Variants in AMOTL2 observed in about 807,000 individuals in gnomAD.
The protein encoded by AMOTL2 is angiomotin-like protein 2.
In AMOTL2, 33 loss-of-function variants were observed where a neutral mutation model predicts 78.4. The ratio of observed to expected loss-of-function variants is 0.42; its 90% CI spans 0.32 to 0.56. The LOEUF (loss-of-function observed/expected upper bound fraction) is 0.56. Among genes scored for constraint, AMOTL2 ranks in the 20% least tolerant of loss-of-function variants. The pLI is 0.12. For missense variants in AMOTL2, 983 were observed against 1,030.1 expected, an observed-to-expected ratio of 0.95 and a Z score of 0.63; for synonymous variants, 422 against 428.8, an observed-to-expected ratio of 0.98 and a Z score of 0.20.
rs755522162 is a variant in AMOTL2 at position 134,361,752 on chromosome 3, G to A, written c.1335C>T (p.Arg445=). 1.6e-5 allele frequency: 26 copies of A among 1,587,830 alleles called. No homozygotes were observed. The highest frequency in any genetic ancestry group is 2.3e-5 in the East Asian group (1 of 43,350). ...EKLEREMALL[R]GAIEDQRRRA... is the part of the protein sequence containing the mutation. ...GCCGCCGCTGGTCCTCGATGGCGCC[G>A]CGCAGCAGTGCCATCTCTCGCTCCA... Residue 445 remains arginine (R), a synonymous_variant, in exon 6 of 10, where the codon CGC becomes CGT. Coordinates refer to ENST00000249883, the MANE Select transcript of AMOTL2 (RefSeq NM_016201.4).
intron 2 of AMOTL2, among the ~76,000 whole-genome samples, 184 bp downstream of exon 2, chr3:134,370,516 A>G (rs1257579077): frequency 6.6e-6 from 1 of 152,162 alleles, no homozygotes; most frequent in Non-Finnish European, 1.5e-5. Context: ...GGACACCACT[A>G]ACTTCTTAGG....
At chr3:134,373,759 A>C in intron 1 of AMOTL2, 1 of 985,470 alleles carries the variant, frequency 1.0e-6, no homozygotes, top group Non-Finnish European at 1.2e-6. Context: ...GAGGTCTTTA[A>C]GCATCGCGGG....
At position 134,356,520 on chromosome 3, in the gene AMOTL2, G is replaced by A. The variant is rs2017088062; in HGVS notation, c.*1185C>T. On this transcript the variant is annotated 3_prime_UTR_variant, in exon 10 of 10. Coordinates refer to ENST00000249883, the MANE Select transcript of AMOTL2 (RefSeq NM_016201.4). ...GCGCTGGGCATGGGTAGCTTGAGGA[G>A]CCAGCCTCCTGGGCACTGTTTTGTG... 6.6e-6 allele frequency: 1 copy of A among 152,646 alleles called. No individual in the cohort carries two copies. Among genetic ancestry groups the A allele is most frequent in the African/African-American group, 2.4e-5 (1 of 41,462 alleles). 9.5% of individuals were successfully genotyped at this position (152,646 alleles called of 1,614,324 possible). A position where few individuals can be genotyped will look rare whatever the true frequency, so the allele number is the denominator to read the frequency against.
chr3:134,357,441 G>A lies in AMOTL2; in HGVS notation c.*264C>T. 2.1e-6 allele frequency: 1 copy of A among 477,930 alleles called. No homozygotes were observed. Among genetic ancestry groups the A allele is most frequent in the South Asian group, 2.9e-5 (1 of 34,410 alleles). The allele number at this position is 477,930 out of a possible 1,614,324, so 29.6% of individuals were successfully genotyped here. A position where few individuals can be genotyped will look rare whatever the true frequency, so the allele number is the denominator to read the frequency against. On this transcript the variant is annotated 3_prime_UTR_variant, in exon 10 of 10. Transcript: ENST00000249883. Reference sequence around the variant, plus strand: ...CCCAGTAGCAGGCCTTGGGCAAGAAGTCAAGGCTGAATCCTCATTCTCCAT... The same window carrying A: ...CCCAGTAGCAGGCCTTGGGCAAGAAATCAAGGCTGAATCCTCATTCTCCAT...
At position 134,371,050 on chromosome 3, in the gene AMOTL2, C is replaced by G. The variant is rs750467486; in HGVS notation, c.384G>C (p.Ala128=). The change falls in exon 2 of 10, where the codon GCG becomes GCC. Residue 128 remains alanine (A), a synonymous_variant. Coordinates refer to ENST00000249883, the MANE Select transcript of AMOTL2 (RefSeq NM_016201.4). ...AAQQAGTRPH[A]GDRDPRGAPG... ...GGGCCCCACGGGGATCTCGGTCCCC[C>G]GCATGTGGCCGGGTCCCTGCCTGCT... 41 of 1,608,454 alleles carry G rather than the reference C, an allele frequency of 2.5e-5. No individual in the cohort carries two copies. Among genetic ancestry groups the G allele is most frequent in the Admixed American group, 3.4e-5 (2 of 59,242 alleles).
intron 2 of AMOTL2, among the ~76,000 whole-genome samples, chr3:134,368,257 C>G (rs2017696659): frequency 6.6e-6 from 1 of 152,150 alleles, no homozygotes; most frequent in Admixed American, 6.5e-5. Flanking sequence ...CTTCCAGGCC[C>G]CAGGACAACT....
rs2017235312 is a variant in AMOTL2 at position 134,359,378 on chromosome 3, G to A, written c.2009C>T (p.Ser670Phe). Reference protein sequence around the residue: ...GSLRPAKSVPSVFAAAAAGTQ... With the variant: ...GSLRPAKSVPFVFAAAAAGTQ... ...TCCTGCTGCCGCAGCCGCGAAAACAGATGGCACCGACTTGGCAGGCCGCAG... is the reference window on the plus strand; with the variant it reads ...TCCTGCTGCCGCAGCCGCGAAAACAAATGGCACCGACTTGGCAGGCCGCAG... Residue 670 changes from serine (S) to phenylalanine (F), a missense_variant, in exon 8 of 10, where the codon TCT (serine) becomes TTT (phenylalanine). By Grantham distance (155) the Ser-to-Phe change is radical. Transcript: ENST00000249883. 1 of 1,614,240 alleles carries A rather than the reference G, an allele frequency of 6.2e-7. No individual in the cohort carries two copies. Among genetic ancestry groups the A allele is most frequent in the East Asian group, 2.2e-5 (1 of 44,880 alleles).
chr3:134,367,980 GA>G (rs2017686780), intron 2 of AMOTL2, 177 bp from the exon 3 acceptor site: 1 of 553,868 alleles, frequency 1.8e-6, no homozygotes. Context: ...GTTAGGCAGG[GA>G]CCAGTAGGGA....
In AMOTL2 at chr3:134,361,803, G is replaced by A. The variant is rs776550580; in HGVS notation, c.1284C>T (p.Tyr428=). The change falls in exon 6 of 10, where the codon TAC becomes TAT. Residue 428 remains tyrosine, a synonymous_variant. Coordinates refer to ENST00000249883, the MANE Select transcript of AMOTL2 (RefSeq NM_016201.4). The part of the protein sequence containing the change: ...DMVAKLLAQS[Y]EQQQEQEKLE... ...GCTTCTCTTGCTCCTGCTGCTGTTC[G>A]TAGCCTGTAGGGAGAAAGAGGCTTG... The A allele has an allele frequency of 2.8e-5, 44 of 1,547,716 alleles. No individual in the cohort carries two copies. The highest frequency in any genetic ancestry group is 1.7e-4 in the Middle Eastern group (1 of 5,976).
upstream of AMOTL2, chr3:134,375,228 TC>T: frequency 6.5e-7 from 1 of 1,535,708 alleles, no homozygotes; most frequent in East Asian, 2.4e-5. Flanking sequence ...GTCCAGTTCT[TC>T]CCCAAGGTGA....
chr3:134,358,194 AT>A (rs139446238), intron 9 of AMOTL2, among the ~76,000 whole-genome samples: 2,229 of 152,368 alleles, frequency 0.015, 27 homozygotes, highest in Non-Finnish European at 0.021. Context: ...TGCCATCGGC[AT>A]GACTTGCGAG....
At chr3:134,365,991 G>A in intron 4 of AMOTL2, 82 bp from the exon 5 acceptor site, 2 of 1,393,464 alleles carry the variant, frequency 1.4e-6, no homozygotes, top group Non-Finnish European at 2.0e-6. Flanking sequence ...ATCAGGATGG[G>A]GCTGTATCCT....
At chr3:134,373,813 C>G (rs2017978572) in intron 1 of AMOTL2, 1 of 985,514 alleles carries the variant, frequency 1.0e-6, no homozygotes, top group Non-Finnish European at 1.2e-6. Context: ...TCCAAATACT[C>G]TAACGCTGAC....
chr3:134,369,017 T>C (rs1297762651), intron 2 of AMOTL2, among the ~76,000 whole-genome samples: 1 of 152,148 alleles, frequency 6.6e-6, no homozygotes, highest in East Asian at 1.9e-4. Context: ...TCAGCACTAA[T>C]GCACACCCAG....
At chr3:134,363,823 G>T (rs1267494200) in intron 5 of AMOTL2, among the ~76,000 whole-genome samples, 3 of 152,166 alleles carry the variant, frequency 2.0e-5, no homozygotes, top group Admixed American at 6.5e-5. Context: ...CTCAGCCCTG[G>T]GGGAGGAAGG....
intron 1 of AMOTL2, chr3:134,371,795 A>G (rs1045708131): frequency 2.8e-6 from 1 of 352,746 alleles, no homozygotes; most frequent in African/African-American, 2.0e-5. Context: ...CACAGTGAAA[A>G]TCCTGGTAAA....
chr3:134,366,190 C>CA, intron 4 of AMOTL2, 93 bp downstream of exon 4: 5 of 1,512,640 alleles, frequency 3.3e-6, no homozygotes, highest in Non-Finnish European at 4.5e-6. Flanking sequence ...GCACTTTTGA[C>CA]AGAGAATAGA....
At chr3:134,370,587 T>C in intron 2 of AMOTL2, 113 bp downstream of exon 2, 2 of 1,308,966 alleles carry the variant, frequency 1.5e-6, no homozygotes, top group Non-Finnish European at 2.0e-6. Flanking sequence ...AGGTTGGAGG[T>C]GGGGTGGATC....
At chr3:134,359,577 G>A in intron 7 of AMOTL2, 74 bp from the exon 8 acceptor site, 2 of 1,300,860 alleles carry the variant, frequency 1.5e-6, no homozygotes, top group Non-Finnish European at 2.1e-6. Context: ...TGCCTCATAG[G>A]AGTTAGAGGA....
Sources: allele counts gnomAD v4.1 joint callset (sites outside exome capture counted in the v4.1 genomes callset), GRCh38; gene constraint gnomAD v4.1.1; transcripts MANE v1.5; gene names NCBI Gene and HGNC (gene_info 2026-07-23, HGNC 2026-07-21).